GGA3: variants seen among roughly 807,000 people sequenced by gnomAD.
The protein encoded by GGA3 is ADP-ribosylation factor-binding protein GGA3.
In GGA3, 57 loss-of-function variants were observed where a neutral mutation model predicts 77.5. That is an observed-to-expected ratio of 0.74 (90% CI 0.59 to 0.92). GGA3 has a LOEUF of 0.92. GGA3 is among the 40% of genes least tolerant of loss of function. GGA3 has a pLI of 0.00. For missense variants in GGA3, 970 were observed against 914.9 expected, an observed-to-expected ratio of 1.06 and a Z score of -0.78; for synonymous variants, 416 against 383.7, an observed-to-expected ratio of 1.08 and a Z score of -0.98.
rs2076547340 is a variant in GGA3 at position 75,241,315 on chromosome 17, G to C, written c.946+85C>G. ...CTTGGGCCTTGTGCAACACCACCAC[G>C]CTGGCCAGCCTACACCCGCAGCTTC... On this transcript the variant is annotated intron_variant, in intron 10 of 16. Coordinates refer to ENST00000537686, the MANE Select transcript of GGA3 (RefSeq NM_138619.4). The C allele has an allele frequency of 3.3e-6, 3 of 910,312 alleles. No individual in the cohort carries two copies. In the South Asian group the frequency reaches 4.1e-5, roughly 13 times the overall value. 56.4% of individuals were successfully genotyped at this position (910,312 alleles called of 1,614,324 possible).
At chr17:75,261,129 C>G (rs890968583) in intron 1 of GGA3, among the ~76,000 whole-genome samples, 1 of 152,394 alleles carries the variant, frequency 6.6e-6, no homozygotes, top group East Asian at 1.9e-4. Context: ...GCACCCACCA[C>G]TACCGGAGAC....
intron 5 of GGA3, 87 bp downstream of exon 5, chr17:75,243,360 C>T (rs2076641954): frequency 5.9e-6 from 9 of 1,532,504 alleles, no homozygotes; most frequent in Admixed American, 5.2e-5. Flanking sequence ...TCAGGAGGGA[C>T]TCTGGGGATC....
At chr17:75,247,001 A>G (rs1402590148) in intron 1 of GGA3, among the ~76,000 whole-genome samples, 1 of 152,208 alleles carries the variant, frequency 6.6e-6, no homozygotes, top group African/African-American at 2.4e-5. Flanking sequence ...CTTTCTGTCC[A>G]GTATTTTGAA....
chr17:75,252,558 T>C (rs2077005591), intron 1 of GGA3, among the ~76,000 whole-genome samples: 1 of 152,106 alleles, frequency 6.6e-6, no homozygotes, highest in Non-Finnish European at 1.5e-5. Flanking sequence ...TACCCTCCAC[T>C]CCTTCTCACC....
chr17:75,241,252 G>GGCTTCCC, intron 10 of GGA3, 148 bp downstream of exon 10: 1 of 781,694 alleles, frequency 1.3e-6, no homozygotes, highest in Non-Finnish European at 2.1e-6. Flanking sequence ...CCAGGCCTCC[G>GGCTTCCC]GGAAGCCGGA....
Position 75,237,355 on chromosome 17 carries a change from G to A in GGA3, c.*924C>T. 1 of 837,982 alleles carries A rather than the reference G, an allele frequency of 1.2e-6. No homozygotes were observed. Among genetic ancestry groups the A allele is most frequent in the Non-Finnish European group, 1.9e-6 (1 of 513,514 alleles). 51.9% of individuals were successfully genotyped at this position (837,982 alleles called of 1,614,324 possible). On this transcript the variant is annotated 3_prime_UTR_variant, in exon 17 of 17. Coordinates refer to ENST00000537686, the MANE Select transcript of GGA3 (RefSeq NM_138619.4). Reference sequence around the variant, plus strand: ...AGGCCTCCTGTGTCCAGCCACAGGTGCCACACCACATGCCATCTGGTGAGA... The same window carrying A: ...AGGCCTCCTGTGTCCAGCCACAGGTACCACACCACATGCCATCTGGTGAGA...
At chr17:75,252,262 C>T (rs1045903873) in intron 1 of GGA3, among the ~76,000 whole-genome samples, 2 of 151,424 alleles carry the variant, frequency 1.3e-5, no homozygotes, top group Middle Eastern at 3.2e-3. Flanking sequence ...GGGGGTCTCA[C>T]TCTATTGCCC....
intron 1 of GGA3, among the ~76,000 whole-genome samples, chr17:75,255,297 G>C (rs4312342): frequency 0.92 from 140,140 of 151,800 alleles, 64,712 homozygotes; most frequent in East Asian, 1. Flanking sequence ...TTAAGCACTC[G>C]TTTTTAGTTA....
intron 1 of GGA3, among the ~76,000 whole-genome samples, chr17:75,251,449 C>T (rs1050708478): frequency 5.3e-5 from 8 of 151,906 alleles, no homozygotes; most frequent in Non-Finnish European, 8.8e-5. Context: ...GGCTCACACC[C>T]GCAATCCCAG....
At chr17:75,255,892 T>C (rs965807556) in intron 1 of GGA3, among the ~76,000 whole-genome samples, 1 of 152,234 alleles carries the variant, frequency 6.6e-6, no homozygotes, top group African/African-American at 2.4e-5. Flanking sequence ...GGACTGACCC[T>C]GACATCCATT....
intron 1 of GGA3, among the ~76,000 whole-genome samples, chr17:75,247,136 A>AT (rs2076787884): frequency 6.6e-6 from 1 of 152,232 alleles, no homozygotes; most frequent in Non-Finnish European, 1.5e-5. Context: ...ATGTAAAGAT[A>AT]ATAAAGGGAA....
chr17:75,259,176 G>A (rs1281445404), intron 1 of GGA3, among the ~76,000 whole-genome samples: 1 of 151,936 alleles, frequency 6.6e-6, no homozygotes, highest in Non-Finnish European at 1.5e-5. Context: ...GGATGGTCTC[G>A]ATCTCCTGAC....
At chr17:75,246,296 G>A (rs778481448) in intron 3 of GGA3, among the ~76,000 whole-genome samples, 3 of 152,218 alleles carry the variant, frequency 2.0e-5, no homozygotes, top group Non-Finnish European at 4.4e-5. Flanking sequence ...TGGCAGGGAC[G>A]GCACTGCAGT....
At chr17:75,258,825 G>GTT (rs141849647) in intron 1 of GGA3, among the ~76,000 whole-genome samples, 108,946 of 148,496 alleles carry the variant, frequency 0.73, 44,386 homozygotes, top group Non-Finnish European at 0.9. Flanking sequence ...ACCATCTAGT[G>GTT]TTTTTTTTTT....
upstream of GGA3, chr17:75,262,176 AT>A (rs1316051848): frequency 1.4e-6 from 1 of 709,438 alleles, no homozygotes; most frequent in African/African-American, 1.8e-5. Context: ...AGTCTGGCTG[AT>A]CTAGGGTTCT....
chr17:75,259,462 G>A (rs2077269983), intron 1 of GGA3, among the ~76,000 whole-genome samples: 1 of 152,176 alleles, frequency 6.6e-6, no homozygotes, highest in Admixed American at 6.5e-5. Flanking sequence ...AGGGCTTCCA[G>A]GTAAGGAGAG....
intron 1 of GGA3, among the ~76,000 whole-genome samples, chr17:75,251,213 T>C (rs1008544377): frequency 5.3e-5 from 8 of 152,094 alleles, no homozygotes; most frequent in African/African-American, 1.9e-4. Flanking sequence ...ACCAAGTCTT[T>C]GTTAAGCACC....
At chr17:75,249,344 AG>A (rs1294889290) in intron 1 of GGA3, among the ~76,000 whole-genome samples, 3 of 152,188 alleles carry the variant, frequency 2.0e-5, no homozygotes, top group Non-Finnish European at 2.9e-5. Flanking sequence ...CACCCCGCCT[AG>A]GTTCCTCTTT....
Position 75,239,894 on chromosome 17 carries a change from G to A in GGA3, c.1478C>T (p.Ala493Val), listed in dbSNP as rs2076473746. The A allele has an allele frequency of 2.5e-6, 4 of 1,613,656 alleles. No homozygotes were observed. Among genetic ancestry groups the A allele is most frequent in the Non-Finnish European group, 3.4e-6 (4 of 1,179,798 alleles). Residue 493 changes from alanine (A) to valine (V), a missense_variant, in exon 13 of 17, where the codon GCC becomes GTC. Transcript: ENST00000537686. ...AGGGACTGCGGGCTCAACTTTTGGG[G>A]CCAAGGCTGGGGCCACTCCAGTAGA... ...LFSTGVAPAL[A>V]PKVEPAVPGH...
Sources: gnomAD v4.1 joint callset for allele counts (sites outside exome capture counted in the v4.1 genomes callset) on GRCh38, gnomAD v4.1.1 for gene constraint, MANE v1.5 for transcripts, NCBI Gene and HGNC (gene_info 2026-07-23, HGNC 2026-07-21) for gene names.